The following NUP160 variants were observed in gnomAD, a reference collection of about 807,000 sequenced individuals.
The protein encoded by NUP160 is nucleoporin 160.
Under a neutral mutation model 196.9 loss-of-function variants are expected in NUP160, and 94 were observed. The ratio of observed to expected loss-of-function variants is 0.48; its 90% CI spans 0.40 to 0.57. NUP160 has a LOEUF of 0.57. Ranked by LOEUF, NUP160 falls within the 20% of genes least tolerant of loss-of-function variation. NUP160 has a pLI of 0.00. For missense variants in NUP160, 1,638 were observed against 1,748.3 expected (o/e 0.94, Z 1.13); for synonymous variants, 605 against 619.7 (o/e 0.98, Z 0.35).
At chr11:47,784,799 A>T in intron 33 of NUP160, 123 bp downstream of exon 33, 1 of 683,480 alleles carries the variant, frequency 1.5e-6, no homozygotes, top group Non-Finnish European at 2.2e-6. Context: ...CTGTTGGCCT[A>T]CCAATGTGCG....
intron 27 of NUP160, among the ~76,000 whole-genome samples, chr11:47,796,797 A>T (rs1476164350): frequency 2.6e-5 from 4 of 152,122 alleles, no homozygotes; most frequent in Non-Finnish European, 5.9e-5. Flanking sequence ...GCTCACTGCA[A>T]CCTCCACCTT....
At chr11:47,845,990 G>A (rs1852393834) in intron 2 of NUP160, among the ~76,000 whole-genome samples, 1 of 152,118 alleles carries the variant, frequency 6.6e-6, no homozygotes, top group African/African-American at 2.4e-5. Context: ...AGAAAAATTA[G>A]CTGGGCATGG....
chr11:47,802,075 T>C, intron 22 of NUP160, 145 bp from the exon 23 acceptor site: 1 of 671,472 alleles, frequency 1.5e-6, no homozygotes, highest in Non-Finnish European at 2.5e-6. Flanking sequence ...CTGACACATA[T>C]GAATTCTATG....
exon 3 of NUP160, chr11:47,840,523 G>A: frequency 6.2e-7 from 1 of 1,613,966 alleles, no homozygotes; most frequent in Non-Finnish European, 8.5e-7. Flanking sequence ...TAGGCGAATG[G>A]CATTATTCAA....
chr11:47,817,682 C>T (rs1214207909), intron 11 of NUP160, among the ~76,000 whole-genome samples: 2 of 152,114 alleles, frequency 1.3e-5, no homozygotes, highest in African/African-American at 4.8e-5. Flanking sequence ...CAGACCTTCA[C>T]TGTCCTAATA....
At chr11:47,846,800 T>C (rs927964230) in intron 2 of NUP160, among the ~76,000 whole-genome samples, 6 of 152,330 alleles carry the variant, frequency 3.9e-5, no homozygotes, top group African/African-American at 1.4e-4. Flanking sequence ...GTTTGTTACA[T>C]GAGTATATTG....
At chr11:47,847,808 C>T (rs750643904) in intron 2 of NUP160, 40 bp downstream of exon 2, 2 of 1,432,872 alleles carry the variant, frequency 1.4e-6, no homozygotes, top group Non-Finnish European at 2.0e-6. Flanking sequence ...ATACACCAAA[C>T]CCTACCTTCC....
chr11:47,809,902 T>C (rs1194603376), intron 17 of NUP160, among the ~76,000 whole-genome samples: 4 of 151,812 alleles, frequency 2.6e-5, no homozygotes, highest in African/African-American at 9.7e-5. Flanking sequence ...CCAAAAAGAA[T>C]GTGCATGGAA....
At chr11:47,847,508 C>T (rs1852420911) in intron 2 of NUP160, among the ~76,000 whole-genome samples, 1 of 151,934 alleles carries the variant, frequency 6.6e-6, no homozygotes, top group Non-Finnish European at 1.5e-5. Context: ...GAAGCTCGAA[C>T]GTATTTGTAC....
intron 2 of NUP160, among the ~76,000 whole-genome samples, 200 bp downstream of exon 2, chr11:47,847,648 T>G (rs868134559): frequency 0.017 from 1,330 of 77,364 alleles, no homozygotes; most frequent in South Asian, 0.022. Flanking sequence ...TGTGTGGGGG[T>G]GGGGGGGGGG....
At chr11:47,796,496 T>C (rs1206351203) in intron 27 of NUP160, 6 of 271,044 alleles carry the variant, frequency 2.2e-5, no homozygotes, top group African/African-American at 9.0e-5. Flanking sequence ...AATAAATAAA[T>C]AGATATTGAG....
In NUP160 at chr11:47,830,480, G is replaced by C. The variant is rs561708134; in HGVS notation, c.1101+5171C>G. Among the ~76,000 whole-genome samples, 250 of 152,240 alleles carry C rather than the reference G, an allele frequency of 1.6e-3. 1 individual carries two copies. Among genetic ancestry groups the C allele is most frequent in the African/African-American group, 5.8e-3 (239 of 41,544 alleles). On this transcript the variant is annotated intron_variant, in intron 7 of 35. Transcript: ENST00000378460. Reference sequence around the variant, plus strand: ...TCAACCTAAATGCCCCTCAATGACAGACTGAATAAAACATGGTACATATAT... The same window carrying C: ...TCAACCTAAATGCCCCTCAATGACACACTGAATAAAACATGGTACATATAT...
intron 10 of NUP160, 46 bp downstream of exon 10, chr11:47,819,328 A>T: frequency 7.9e-6 from 10 of 1,258,732 alleles, no homozygotes; most frequent in Non-Finnish European, 1.1e-5. Context: ...AAAAAAAAAG[A>T]TCAAAGTAAA....
chr11:47,794,375 T>C (rs2097669672), intron 27 of NUP160, among the ~76,000 whole-genome samples: 3 of 152,112 alleles, frequency 2.0e-5, no homozygotes, highest in Non-Finnish European at 2.9e-5. Flanking sequence ...CTCAGGAGGC[T>C]GAGGCAGGAG....
intron 17 of NUP160, among the ~76,000 whole-genome samples, chr11:47,810,101 G>C (rs1164322264): frequency 6.6e-6 from 1 of 151,942 alleles, no homozygotes; most frequent in Non-Finnish European, 1.5e-5. Flanking sequence ...AATCTACATA[G>C]ATCAAAAAGA....
chr11:47,827,317 T>C, intron 7 of NUP160: 2 of 345,066 alleles, frequency 5.8e-6, no homozygotes, highest in Middle Eastern at 1.1e-3. Context: ...TGAGCTGAGA[T>C]TGCGCCACTG....
intron 7 of NUP160, among the ~76,000 whole-genome samples, chr11:47,831,548 A>G (rs571707095): frequency 4.3e-4 from 65 of 152,268 alleles, no homozygotes; most frequent in African/African-American, 1.5e-3. Context: ...AATTATGACA[A>G]TGAAAGAGGT....
intron 6 of NUP160, 86 bp downstream of exon 6, chr11:47,836,801 T>C (rs570005694): frequency 1.3e-6 from 1 of 783,446 alleles, no homozygotes; most frequent in Admixed American, 2.0e-5. Flanking sequence ...GATCTAATAA[T>C]CTTTAGAGAA....
At chr11:47,790,655 G>A (rs995730623) in intron 29 of NUP160, among the ~76,000 whole-genome samples, 6 of 152,206 alleles carry the variant, frequency 3.9e-5, no homozygotes, top group Non-Finnish European at 8.8e-5. Context: ...GTGGGAGTCC[G>A]AGGTAGGAGG....
Sources: allele counts gnomAD v4.1 joint callset (sites outside exome capture counted in the v4.1 genomes callset), GRCh38; gene constraint gnomAD v4.1.1; transcripts MANE v1.5; gene names NCBI Gene and HGNC (gene_info 2026-07-23, HGNC 2026-07-21).